Variants in KIAA0319L observed in about 807,000 individuals in gnomAD.
KIAA0319L encodes the protein dyslexia-associated protein KIAA0319-like protein.
KIAA0319L carries 55 observed loss-of-function variants against 120.1 expected under a neutral mutation model. The observed-to-expected ratio is 0.46, with a 90% confidence interval of 0.37 to 0.57. The LOEUF (loss-of-function observed/expected upper bound fraction) is 0.57, where lower values mean the gene tolerates loss of function less well. KIAA0319L is among the 20% of genes least tolerant of loss of function. The pLI is 0.00. For synonymous variants in KIAA0319L, 398 were observed against 471.9 expected (o/e 0.84, Z 2.03); for missense variants, 1,049 against 1,255.3 (o/e 0.84, Z 2.48).
In KIAA0319L at chr1:35,506,575, T is replaced by A. The variant is rs760290866; in HGVS notation, c.666+37A>T. ...TATATACCAAATGTAAGAGCAGATT[T>A]AACCATTTCTCTGCTCCTTATTCAT... On this transcript the variant is annotated intron_variant, in intron 3 of 20. Coordinates refer to ENST00000325722, the MANE Select transcript of KIAA0319L (RefSeq NM_024874.5). The surrounding 1 kb of genome is among the most constrained non-coding windows in gnomAD (Gnocchi z 4.0). 87 of 1,564,222 alleles carry A rather than the reference T, an allele frequency of 5.6e-5. No homozygotes were observed. Among genetic ancestry groups the A allele is most frequent in the Non-Finnish European group, 7.4e-5 (85 of 1,151,056 alleles).
At chr1:35,522,557 C>T (rs1645967227) in intron 2 of KIAA0319L, among the ~76,000 whole-genome samples, 1 of 152,110 alleles carries the variant, frequency 6.6e-6, no homozygotes, top group African/African-American at 2.4e-5. Flanking sequence ...GGATTACAGG[C>T]GTGAGCCACT....
chr1:35,455,124 C>T (rs940380457), intron 10 of KIAA0319L, among the ~76,000 whole-genome samples: 1 of 152,184 alleles, frequency 6.6e-6, no homozygotes, highest in Non-Finnish European at 1.5e-5. Context: ...GAGCAGTAGG[C>T]AAAAACTAGT....
intron 2 of KIAA0319L, among the ~76,000 whole-genome samples, chr1:35,541,289 T>C (rs879817086): frequency 2.6e-5 from 4 of 151,470 alleles, no homozygotes; most frequent in African/African-American, 9.7e-5. Flanking sequence ...CTGATAAATA[T>C]GTTTTGAAGG....
intron 3 of KIAA0319L, among the ~76,000 whole-genome samples, chr1:35,495,651 T>C (rs1644773876): frequency 6.6e-6 from 1 of 151,868 alleles, no homozygotes; most frequent in African/African-American, 2.4e-5. Flanking sequence ...TTTTGTTTGT[T>C]TGTTTGTTGT....
At chr1:35,442,073 G>C (rs1048446866) in intron 19 of KIAA0319L, among the ~76,000 whole-genome samples, 173 bp downstream of exon 19, 1 of 151,838 alleles carries the variant, frequency 6.6e-6, no homozygotes, top group Non-Finnish European at 1.5e-5. Context: ...CTGCCCTCAG[G>C]AGAGTCTCAG....
intron 2 of KIAA0319L, among the ~76,000 whole-genome samples, chr1:35,546,410 GT>G (rs1400949409): frequency 6.6e-6 from 1 of 152,210 alleles, no homozygotes; most frequent in African/African-American, 2.4e-5. Flanking sequence ...AAGGTCAGTA[GT>G]TACCCTGGCA....
At chr1:35,544,316 C>A (rs1484848283) in intron 2 of KIAA0319L, among the ~76,000 whole-genome samples, 1 of 150,260 alleles carries the variant, frequency 6.7e-6, no homozygotes, top group Non-Finnish European at 1.5e-5. Flanking sequence ...TTACAGTGAG[C>A]CAAGATTGTG....
At chr1:35,519,042 G>C (rs781379651) in intron 2 of KIAA0319L, among the ~76,000 whole-genome samples, 2 of 151,540 alleles carry the variant, frequency 1.3e-5, no homozygotes, top group Non-Finnish European at 2.9e-5. Context: ...TAATGTCAGA[G>C]GATGATGAGT....
At position 35,542,106 on chromosome 1, in the gene KIAA0319L, T is replaced by A. The variant is rs1264406907; in HGVS notation, c.142+12244A>T. On this transcript the variant is annotated intron_variant, in intron 2 of 20. Coordinates refer to ENST00000325722, the MANE Select transcript of KIAA0319L (RefSeq NM_024874.5). ...AAGCTAGCAGAGAACTCAACCCTCC[T>A]GCCTGCTGGGTCATCTGGCGGTTAG... Among the ~76,000 whole-genome samples the A allele has an allele frequency of 2.0e-5, 3 of 152,250 alleles. No individual in the cohort carries two copies. The East Asian group carries it at 5.8e-4, about 29-fold the overall frequency.
At chr1:35,486,376 G>GAAAAAAA (rs899924972) in intron 3 of KIAA0319L, among the ~76,000 whole-genome samples, 18 of 51,922 alleles carry the variant, frequency 3.5e-4, no homozygotes, top group African/African-American at 5.2e-4. Context: ...CCTGTCTCAA[G>GAAAAAAA]AAAAAAAAAA....
intron 2 of KIAA0319L, among the ~76,000 whole-genome samples, chr1:35,552,274 G>A (rs184173056): frequency 5.9e-5 from 9 of 152,208 alleles, no homozygotes; most frequent in Admixed American, 2.0e-4. Context: ...CCTGGGAGAC[G>A]GAGGTTGCAG....
intron 16 of KIAA0319L, among the ~76,000 whole-genome samples, chr1:35,445,317 C>T (rs1409926176): frequency 6.6e-6 from 1 of 151,474 alleles, no homozygotes; most frequent in Non-Finnish European, 1.5e-5. Flanking sequence ...AACAAACAAA[C>T]AAAAAAAAAC....
intron 4 of KIAA0319L, among the ~76,000 whole-genome samples, chr1:35,478,149 A>G (rs1484313836): frequency 1.3e-5 from 2 of 152,234 alleles, no homozygotes; most frequent in Non-Finnish European, 2.9e-5. Flanking sequence ...AGCCAGGCAC[A>G]GACAAACACT....
At chr1:35,532,466 T>C (rs181210943) in intron 2 of KIAA0319L, among the ~76,000 whole-genome samples, 9 of 152,364 alleles carry the variant, frequency 5.9e-5, no homozygotes, top group Admixed American at 5.9e-4. Context: ...TAAATGATTC[T>C]AGTTTCAGCT....
rs1392734479 is a variant in KIAA0319L, at chr1:35,450,417, C to G, written c.2155G>C (p.Asp719His). 1 of 1,614,190 alleles carries G rather than the reference C, an allele frequency of 6.2e-7. No individual in the cohort carries two copies. The highest frequency in any genetic ancestry group is 8.5e-7 in the Non-Finnish European group (1 of 1,180,008). The change falls in exon 14 of 21, where the codon GAT becomes CAT. Residue 719 changes from aspartate to histidine, a missense_variant. By Grantham distance (81) the Asp-to-His change is moderately conservative (BLOSUM62 -1). Coordinates refer to ENST00000325722, the MANE Select transcript of KIAA0319L (RefSeq NM_024874.5). Reference protein sequence around the residue: ...TAELDGSKSSDDKGIVSYLWT... With the variant: ...TAELDGSKSSHDKGIVSYLWT... ...AGGTAGCTGACTATTCCCTTGTCAT[C>G]TGAGGACTTAGAGCCATCCAGCTCT... is the stretch of plus-strand genomic sequence containing the variant.
At chr1:35,498,331 T>C (rs1185358979) in intron 3 of KIAA0319L, among the ~76,000 whole-genome samples, 3 of 148,498 alleles carry the variant, frequency 2.0e-5, no homozygotes, top group Non-Finnish European at 4.5e-5. Flanking sequence ...GAAACTCCCA[T>C]CTCGGGAAAA....
At chr1:35,541,342 T>C (rs1185333819) in intron 2 of KIAA0319L, among the ~76,000 whole-genome samples, 1 of 150,908 alleles carries the variant, frequency 6.6e-6, no homozygotes, top group Non-Finnish European at 1.5e-5. Flanking sequence ...TCTTTTTTTT[T>C]TTTTTCCTTT....
At chr1:35,494,511 TAG>T (rs1220607769) in intron 3 of KIAA0319L, among the ~76,000 whole-genome samples, 20 of 152,046 alleles carry the variant, frequency 1.3e-4, no homozygotes, top group African/African-American at 4.3e-4. Flanking sequence ...AAGCTAGAGT[TAG>T]GCCGGGTGTG....
In KIAA0319L at chr1:35,448,208, G is replaced by T. The variant is rs1402442265; in HGVS notation, c.2478C>A (p.Ile826=). 2 of 1,613,918 alleles carry T rather than the reference G, an allele frequency of 1.2e-6. No homozygotes were observed. The highest frequency in any genetic ancestry group is 4.5e-5 in the East Asian group (2 of 44,876). ...GVLLGVLDSD[I]IVQKIQPYTE... is the part of the protein sequence containing the mutation. Reference sequence around the variant, plus strand: ...TGTACGGCTGAATCTTTTGCACAATGATGTCGGAATCCAGCACCCCCAGGA... The same window carrying T: ...TGTACGGCTGAATCTTTTGCACAATTATGTCGGAATCCAGCACCCCCAGGA... Residue 826 remains isoleucine (I), a synonymous_variant, in exon 16 of 21, where the codon ATC becomes ATA. Transcript: ENST00000325722.
Sources: gnomAD v4.1 joint callset for allele counts (sites outside exome capture counted in the v4.1 genomes callset) on GRCh38, gnomAD v4.1.1 for gene constraint, Gnocchi (gnomAD v3.1) non-coding constraint, MANE v1.5 for transcripts, NCBI Gene and HGNC (gene_info 2026-07-23, HGNC 2026-07-21) for gene names.